Variants in DRD2 observed in about 807,000 individuals in gnomAD.
DRD2 encodes D(2) dopamine receptor.
Under a neutral mutation model 38.0 loss-of-function variants are expected in DRD2, and 8 were observed. That is an observed-to-expected ratio of 0.21 (90% confidence interval 0.12 to 0.38). The LOEUF (loss-of-function observed/expected upper bound fraction) is 0.38, where lower values mean the gene tolerates loss of function less well. DRD2 is among the 10% of genes least tolerant of loss of function. The pLI is 1.00. For synonymous variants in DRD2, 230 were observed against 238.6 expected, an observed-to-expected ratio of 0.96 and a Z score of 0.33; for missense variants, 403 against 607.7, an observed-to-expected ratio of 0.66 and a Z score of 3.54.
At chr11:113,423,385 C>A (rs1417965220) in intron 2 of DRD2, among the ~76,000 whole-genome samples, 1 of 152,172 alleles carries the variant, frequency 6.6e-6, no homozygotes, top group Non-Finnish European at 1.5e-5. Flanking sequence ...AAGCAATTCT[C>A]CTGCCTCAGC....
rs57678707 is a variant in DRD2, at chr11:113,424,839, C to T, written c.-31-157G>A. On this transcript the variant is annotated intron_variant, in intron 1 of 7. Transcript: ENST00000362072. ...TTTTCTAAAAATGTTGGGCCTTCTG[C>T]CACTCTTTTGCTAGCAAGTTTTTAC... 2,061 of 726,574 alleles carry T rather than the reference C, an allele frequency of 2.8e-3. 40 individuals carry two copies. In the African/African-American group the frequency reaches 0.033, roughly 12 times the overall value. 45.0% of individuals were successfully genotyped at this position (726,574 alleles called of 1,614,324 possible).
intron 1 of DRD2, among the ~76,000 whole-genome samples, chr11:113,462,221 A>G (rs527830546): frequency 1.3e-5 from 2 of 152,310 alleles, no homozygotes; most frequent in African/African-American, 4.8e-5. Flanking sequence ...AAAGATGTCT[A>G]TAAGGAACAG....
At chr11:113,413,343 G>A (rs1177245826) in intron 6 of DRD2, 1 of 527,182 alleles carries the variant, frequency 1.9e-6, no homozygotes, top group African/African-American at 1.9e-5. Context: ...ACCTGCACCT[G>A]CGTACACACG....
At chr11:113,458,088 G>C (rs74751335) in intron 1 of DRD2, among the ~76,000 whole-genome samples, 11,177 of 152,324 alleles carry the variant, frequency 0.073, 461 homozygotes, top group East Asian at 0.14. Context: ...CTCCCAGCTA[G>C]CTGGTGACAC....
At position 113,410,628 on chromosome 11, in the gene DRD2, G is replaced by A. The variant is rs544409420; in HGVS notation, c.*99C>T. The A allele has an allele frequency of 5.1e-5, 75 of 1,484,412 alleles. 1 individual carries two copies. Among genetic ancestry groups the A allele is most frequent in the South Asian group, 3.5e-4 (31 of 87,886 alleles). The allele number at this position is 1,484,412 out of a possible 1,614,324, so 92.0% of individuals were successfully genotyped here. On this transcript the variant is annotated 3_prime_UTR_variant, in exon 8 of 8. Transcript: ENST00000362072. ...GGCCTGCCGGGGTGAAGAGGAGGCC[G>A]ATCCACCCAGGCCTTCCTGCTCACG... is the stretch of plus-strand genomic sequence containing the variant.
At chr11:113,452,472 G>GTA (rs2119916098) in intron 1 of DRD2, among the ~76,000 whole-genome samples, 1 of 56,806 alleles carries the variant, frequency 1.8e-5, no homozygotes, top group East Asian at 3.7e-4. Flanking sequence ...GTGTGTGTGC[G>GTA]CGCGCGCGCG....
chr11:113,422,354 T>C (rs185859076), intron 2 of DRD2, among the ~76,000 whole-genome samples: 7 of 152,290 alleles, frequency 4.6e-5, no homozygotes, highest in Admixed American at 4.6e-4. Flanking sequence ...ACTAATTCGA[T>C]CCTCAACAAT....
In DRD2 at chr11:113,444,104, C is replaced by T. The variant is rs566512694; in HGVS notation, c.-31-19422G>A. 2.2e-4 allele frequency among the ~76,000 whole-genome samples: 34 copies of T among 152,302 alleles called. 1 individual carries two copies. The South Asian group carries it at 6.8e-3, about 31-fold the overall frequency. ...AGGCTGGAGTGCAGTGGCACAATTT[C>T]GGCTGACTGCAACCTCCGCCTCCCG... On this transcript the variant is annotated intron_variant, in intron 1 of 7. Transcript: ENST00000362072.
intron 2 of DRD2, among the ~76,000 whole-genome samples, chr11:113,421,746 G>T (rs1950886155): frequency 6.6e-6 from 1 of 152,346 alleles, no homozygotes; most frequent in Admixed American, 6.5e-5. Context: ...GTGCGTGGTT[G>T]TGAGGGTGCG....
At chr11:113,420,810 C>T (rs887602562) in intron 2 of DRD2, among the ~76,000 whole-genome samples, 11 of 152,334 alleles carry the variant, frequency 7.2e-5, no homozygotes, top group African/African-American at 2.6e-4. Flanking sequence ...GAAAACAGAA[C>T]AAGATCACTT....
At chr11:113,462,423 C>A (rs1428133883) in intron 1 of DRD2, among the ~76,000 whole-genome samples, 1 of 152,160 alleles carries the variant, frequency 6.6e-6, no homozygotes, top group Non-Finnish European at 1.5e-5. Context: ...CCTAAATCAA[C>A]ACCTGGTGTA....
At chr11:113,454,574 C>T (rs563064742) in intron 1 of DRD2, among the ~76,000 whole-genome samples, 37 of 152,210 alleles carry the variant, frequency 2.4e-4, no homozygotes, top group African/African-American at 8.2e-4. Context: ...GTCTGTACTT[C>T]GTCCTGGCTG....
chr11:113,472,033 C>A (rs1951432394), intron 1 of DRD2, among the ~76,000 whole-genome samples: 4 of 152,194 alleles, frequency 2.6e-5, no homozygotes, highest in African/African-American at 4.8e-5. Context: ...TGTTGAGGCA[C>A]CTTCACTGTT....
intron 1 of DRD2, among the ~76,000 whole-genome samples, chr11:113,431,394 C>T (rs1276615467): frequency 3.3e-5 from 5 of 152,224 alleles, no homozygotes; most frequent in Non-Finnish European, 7.3e-5. Context: ...TCTGAGGCCT[C>T]CTAGGCTTTT....
At chr11:113,420,113 C>T (rs1950871882) in intron 2 of DRD2, among the ~76,000 whole-genome samples, 1 of 152,214 alleles carries the variant, frequency 6.6e-6, no homozygotes, top group Non-Finnish European at 1.5e-5. Flanking sequence ...ATTTACATCC[C>T]ACTTTGAAGC....
At chr11:113,428,221 C>G (rs1054503945) in intron 1 of DRD2, among the ~76,000 whole-genome samples, 1 of 152,186 alleles carries the variant, frequency 6.6e-6, no homozygotes, top group Non-Finnish European at 1.5e-5. Context: ...CAGGGGAATG[C>G]TCTCAGGATC....
chr11:113,457,691 C>T (rs1004020714), intron 1 of DRD2, among the ~76,000 whole-genome samples: 4 of 152,206 alleles, frequency 2.6e-5, no homozygotes, highest in African/African-American at 9.7e-5. Flanking sequence ...CGAGAGCTGC[C>T]CCTGAGCTCT....
Position 113,410,842 on chromosome 11 carries a change from A to G in DRD2, c.1217T>C (p.Val406Ala). The G allele has an allele frequency of 6.2e-7, 1 of 1,614,182 alleles. No homozygotes were observed. The change falls in exon 8 of 8, where the codon GTC becomes GCC. Residue 406 changes from valine (V) to alanine (A), a missense_variant. Val to Ala is a moderately conservative substitution (Grantham distance 64). Around this residue, in one of 4 missense-constraint regions of DRD2, gnomAD observed 67 missense variants for 136.1 expected, o/e 0.49. Coordinates refer to ENST00000362072, the MANE Select transcript of DRD2 (RefSeq NM_000795.4). ...CAGCCACGTGAAGGCGCTGTACAGG[A>G]CAGGCGGGATGTTGCAGTCACAGTG... ...NIHCDCNIPP[V>A]LYSAFTWLGY...
intron 1 of DRD2, chr11:113,424,984 G>A: frequency 2.6e-6 from 1 of 384,158 alleles, no homozygotes; most frequent in Non-Finnish European, 4.9e-6. Context: ...CACGACCCAT[G>A]CACCACACAC....
Sources: allele counts gnomAD v4.1 joint callset (sites outside exome capture counted in the v4.1 genomes callset), GRCh38; gene constraint gnomAD v4.1.1; regional missense constraint gnomAD v4.1.1; transcripts MANE v1.5; gene names NCBI Gene and HGNC (gene_info 2026-07-23, HGNC 2026-07-21).